NLGN1: variants seen among roughly 807,000 people sequenced by gnomAD.
NLGN1 encodes the protein neuroligin 1, also known as neuroligin-1.
NLGN1 carries 12 observed loss-of-function variants against 65.5 expected under a neutral mutation model. The ratio of observed to expected loss-of-function variants is 0.18; its 90% confidence interval spans 0.12 to 0.30. The LOEUF is 0.30. Among genes scored for constraint, NLGN1 ranks in the 10% least tolerant of loss-of-function variants. The probability of loss-of-function intolerance (pLI) is 1.00; values close to 1 mark genes in which losing one functional copy is unlikely to be tolerated. For synonymous variants in NLGN1, 350 were observed against 359.5 expected (o/e 0.97, Z 0.30); for missense variants, 750 against 1,007.1 (o/e 0.74, Z 3.46).
intron 1 of NLGN1, among the ~76,000 whole-genome samples, chr3:173,406,867 C>T (rs1025412900): frequency 1.3e-5 from 2 of 152,008 alleles, no homozygotes; most frequent in African/African-American, 4.8e-5. Context: ...TCTCACCTAC[C>T]TGCTTTGCTT....
At chr3:173,751,594 G>A (rs757069755) in intron 3 of NLGN1, among the ~76,000 whole-genome samples, 12 of 152,014 alleles carry the variant, frequency 7.9e-5, no homozygotes, top group Non-Finnish European at 1.5e-4. Context: ...TAATCAGACA[G>A]ACAGAGTAAG....
intron 4 of NLGN1, among the ~76,000 whole-genome samples, chr3:173,814,160 T>C (rs996619487): frequency 2.6e-5 from 4 of 152,254 alleles, no homozygotes; most frequent in Non-Finnish European, 4.4e-5. Flanking sequence ...GGGCACCCCA[T>C]AGTGTCATAA....
intron 4 of NLGN1, among the ~76,000 whole-genome samples, chr3:174,070,399 T>C (rs1006753833): frequency 4.6e-5 from 7 of 151,750 alleles, no homozygotes; most frequent in Admixed American, 1.3e-4. Flanking sequence ...TAGTGCAATC[T>C]CAGCTCACTG....
At chr3:173,797,922 A>G (rs946775549) in intron 3 of NLGN1, among the ~76,000 whole-genome samples, 2 of 152,110 alleles carry the variant, frequency 1.3e-5, no homozygotes, top group Non-Finnish European at 2.9e-5. Context: ...CTCTAAATAC[A>G]TGTAAAGTAT....
intron 2 of NLGN1, among the ~76,000 whole-genome samples, chr3:173,492,591 T>G (rs944215867): frequency 1.6e-4 from 25 of 151,918 alleles, no homozygotes; most frequent in Admixed American, 1.6e-3. Flanking sequence ...ATGCTTCTAT[T>G]TAATTAAATT....
chr3:173,446,796 G>C lies in NLGN1; in HGVS notation c.-321+11718G>C, dbSNP rs533401660. On this transcript the variant is annotated intron_variant, in intron 2 of 6. Transcript: ENST00000457714. ...TGGGATCTCATTGTGGTTTTGATTT[G>C]CATTTCTCTGATGGCCAGCGAGGAT... Among the ~76,000 whole-genome samples, 12 of 152,296 alleles carry C rather than the reference G, an allele frequency of 7.9e-5. No individual in the cohort carries two copies. The South Asian group carries it at 2.3e-3, about 29-fold the overall frequency.
intron 2 of NLGN1, among the ~76,000 whole-genome samples, chr3:173,506,761 C>T (rs1427017284): frequency 2.0e-5 from 3 of 152,088 alleles, no homozygotes; most frequent in Non-Finnish European, 4.4e-5. Context: ...TGACTTGGTT[C>T]ACCAGATTGC....
At chr3:173,604,652 A>G in exon 3 of NLGN1, 5 of 1,613,684 alleles carry the variant, frequency 3.1e-6, no homozygotes, top group Non-Finnish European at 3.4e-6. Context: ...CAGTGATGGC[A>G]TGCTTGGTAC....
intron 4 of NLGN1, among the ~76,000 whole-genome samples, chr3:174,159,688 T>C (rs1726136969): frequency 6.6e-6 from 1 of 151,802 alleles, no homozygotes; most frequent in Admixed American, 6.6e-5. Flanking sequence ...GAGGCTGATG[T>C]GTTAATCAAG....
intron 3 of NLGN1, among the ~76,000 whole-genome samples, chr3:173,616,298 A>G (rs1202937739): frequency 6.6e-6 from 1 of 151,890 alleles, no homozygotes; most frequent in Non-Finnish European, 1.5e-5. Flanking sequence ...TCCTAATCTC[A>G]CTTTGCCAGG....
chr3:173,418,415 A>C (rs1272680933), intron 1 of NLGN1, among the ~76,000 whole-genome samples: 1 of 152,106 alleles, frequency 6.6e-6, no homozygotes, highest in Non-Finnish European at 1.5e-5. Context: ...ACTTTAAATT[A>C]TTTCAATGTA....
chr3:173,663,665 A>G (rs1236826402), intron 3 of NLGN1, among the ~76,000 whole-genome samples: 2 of 152,002 alleles, frequency 1.3e-5, no homozygotes, highest in Non-Finnish European at 2.9e-5. Flanking sequence ...AGAGATGACT[A>G]GAAATGTATT....
chr3:173,815,168 C>G (rs1327145308), intron 4 of NLGN1, among the ~76,000 whole-genome samples: 2 of 150,690 alleles, frequency 1.3e-5, no homozygotes, highest in African/African-American at 4.9e-5. Flanking sequence ...GTCACCCAGG[C>G]TGGAGTGCAG....
chr3:173,654,722 C>T (rs1759720294), intron 3 of NLGN1, among the ~76,000 whole-genome samples: 1 of 152,070 alleles, frequency 6.6e-6, no homozygotes, highest in South Asian at 2.1e-4. Context: ...GAAGCATTTT[C>T]CTTTTTTTTC....
chr3:174,210,973 C>T (rs896374503), intron 4 of NLGN1, among the ~76,000 whole-genome samples: 10 of 152,106 alleles, frequency 6.6e-5, no homozygotes, highest in Non-Finnish European at 7.3e-5. Flanking sequence ...AATGAAGCCG[C>T]GGACCCTCGC....
chr3:173,943,772 C>A (rs374047093), intron 4 of NLGN1, among the ~76,000 whole-genome samples: 1 of 152,300 alleles, frequency 6.6e-6, no homozygotes, highest in Non-Finnish European at 1.5e-5. Context: ...TTTAGGAAGC[C>A]TAACAAAGCT....
intron 2 of NLGN1, among the ~76,000 whole-genome samples, chr3:173,583,205 T>C (rs1453673620): frequency 1.3e-5 from 2 of 152,260 alleles, no homozygotes; most frequent in African/African-American, 4.8e-5. Context: ...ATTATATTGA[T>C]AATTTCTTAC....
chr3:173,716,516 C>T (rs556884704), intron 3 of NLGN1, among the ~76,000 whole-genome samples: 21 of 152,190 alleles, frequency 1.4e-4, no homozygotes, highest in Admixed American at 1.0e-3. Context: ...TCAAAAAGAC[C>T]TTCGGATTGC....
At chr3:173,433,710 T>C (rs577701055) in intron 1 of NLGN1, among the ~76,000 whole-genome samples, 1 of 152,308 alleles carries the variant, frequency 6.6e-6, no homozygotes, top group African/African-American at 2.4e-5. Flanking sequence ...GACCAAGCTC[T>C]TGATCATTTT....
Sources: allele counts gnomAD v4.1 joint callset (sites outside exome capture counted in the v4.1 genomes callset), GRCh38; gene constraint gnomAD v4.1.1; transcripts MANE v1.5; gene names NCBI Gene and HGNC (gene_info 2026-07-23, HGNC 2026-07-21).